The following COL4A1 variants were observed in gnomAD, a reference collection of about 807,000 sequenced individuals.
The protein encoded by COL4A1 is collagen type IV alpha 1 chain, also known as collagen alpha-1(IV) chain.
A neutral mutation model predicts 216.6 loss-of-function variants in COL4A1; 40 were observed. The observed-to-expected ratio is 0.18, with a 90% confidence interval of 0.14 to 0.24. The LOEUF (loss-of-function observed/expected upper bound fraction) is 0.24. Among genes scored for constraint, COL4A1 ranks in the 10% least tolerant of loss-of-function variants. The pLI is 1.00. For synonymous variants in COL4A1, 839 were observed against 810.7 expected (o/e 1.03, Z -0.59); for missense variants, 1,628 against 2,196.8 (o/e 0.74, Z 5.18).
At chr13:110,286,076 G>T (rs1883833973) in intron 1 of COL4A1, among the ~76,000 whole-genome samples, 1 of 152,182 alleles carries the variant, frequency 6.6e-6, no homozygotes. Context: ...TATGAGTCTG[G>T]AGAGGCCTGG....
chr13:110,165,402 T>C (rs1447413188), intron 45 of COL4A1, among the ~76,000 whole-genome samples: 2 of 152,178 alleles, frequency 1.3e-5, no homozygotes, highest in Non-Finnish European at 2.9e-5. Flanking sequence ...CCTTACTGTA[T>C]AGTATCACAC....
At chr13:110,153,251 G>A (rs1032758566) in intron 50 of COL4A1, among the ~76,000 whole-genome samples, 2 of 152,328 alleles carry the variant, frequency 1.3e-5, no homozygotes, top group Non-Finnish European at 1.5e-5. Context: ...GGACATTCTC[G>A]GATCTGACCA....
intron 22 of COL4A1, among the ~76,000 whole-genome samples, chr13:110,193,807 A>G (rs2139181301): frequency 6.6e-6 from 1 of 152,366 alleles, no homozygotes; most frequent in South Asian, 2.1e-4. Context: ...TTCAGGAGGC[A>G]GAGCAGGAGC....
chr13:110,251,996 G>A (rs1196928182), intron 1 of COL4A1, among the ~76,000 whole-genome samples: 2 of 152,160 alleles, frequency 1.3e-5, no homozygotes, highest in Non-Finnish European at 2.9e-5. Context: ...CTGGGCATAA[G>A]TGTCTTCTTT....
intron 1 of COL4A1, among the ~76,000 whole-genome samples, chr13:110,249,788 TAA>T (rs997294317): frequency 1.3e-5 from 2 of 152,174 alleles, no homozygotes; most frequent in African/African-American, 4.8e-5. Context: ...AAAAATTACT[TAA>T]AAAACAGTAA....
chr13:110,239,213 G>A (rs1881452348), intron 2 of COL4A1, among the ~76,000 whole-genome samples: 1 of 152,148 alleles, frequency 6.6e-6, no homozygotes, highest in Non-Finnish European at 1.5e-5. Flanking sequence ...GCAATGATCT[G>A]TTGCACTAAA....
intron 22 of COL4A1, among the ~76,000 whole-genome samples, 172 bp from the exon 23 acceptor site, chr13:110,193,085 C>A (rs1442519986): frequency 6.6e-6 from 1 of 152,228 alleles, no homozygotes; most frequent in African/African-American, 2.4e-5. Flanking sequence ...GTGGAAACTG[C>A]AGTCAAACGC....
chr13:110,266,163 A>T (rs1175092684), intron 1 of COL4A1: 1 of 152,242 alleles, frequency 6.6e-6, no homozygotes, highest in Non-Finnish European at 1.5e-5. Context: ...GCACACAGCG[A>T]AAGATCGCCA....
At chr13:110,278,492 T>A (rs191992468) in intron 1 of COL4A1, among the ~76,000 whole-genome samples, 1 of 152,322 alleles carries the variant, frequency 6.6e-6, no homozygotes. Flanking sequence ...CCTAGACATT[T>A]CTTTTGGGTG....
At chr13:110,210,305 T>G (rs966618570) in intron 8 of COL4A1, 93 bp from the exon 9 acceptor site, 147 of 1,193,776 alleles carry the variant, frequency 1.2e-4, no homozygotes, top group Non-Finnish European at 3.1e-5. Context: ...ATATTAGTGT[T>G]ACAGGACTAG....
At chr13:110,259,942 T>C (rs1047089363) in intron 1 of COL4A1, among the ~76,000 whole-genome samples, 2 of 152,166 alleles carry the variant, frequency 1.3e-5, no homozygotes, top group Admixed American at 1.3e-4. Context: ...CTTTACGTAA[T>C]GGATGTAAAG....
intron 1 of COL4A1, among the ~76,000 whole-genome samples, chr13:110,292,723 C>G (rs968532375): frequency 3.9e-5 from 6 of 152,132 alleles, no homozygotes; most frequent in African/African-American, 1.4e-4. Context: ...GGGGAAACTG[C>G]CCCCATAATC....
In COL4A1 at chr13:110,150,027, T is replaced by C; in HGVS notation, c.*336A>G. ...TACAAGAATGAAAATGGGCAAACAG[T>C]ATGGAAGGCACCCACACCTCCTAGC... On this transcript the variant is annotated 3_prime_UTR_variant, in exon 52 of 52. Coordinates refer to ENST00000375820, the MANE Select transcript of COL4A1 (RefSeq NM_001845.6). 1 of 384,660 alleles carries C rather than the reference T, an allele frequency of 2.6e-6. No homozygotes were observed. The highest frequency in any genetic ancestry group is 2.2e-5 in the South Asian group (1 of 45,692). The allele number at this position is 384,660 out of a possible 1,614,324, so 23.8% of individuals were successfully genotyped here. A position where few individuals can be genotyped will look rare whatever the true frequency, so the allele number is the denominator to read the frequency against.
At chr13:110,167,347 G>T in intron 43 of COL4A1, 117 bp from the exon 44 acceptor site, 1 of 812,686 alleles carries the variant, frequency 1.2e-6, no homozygotes. Context: ...GCACATTTGT[G>T]AACAAATGGT....
chr13:110,178,625 C>T (rs1877998226), intron 31 of COL4A1, among the ~76,000 whole-genome samples: 2 of 152,030 alleles, frequency 1.3e-5, no homozygotes, highest in Admixed American at 6.5e-5. Flanking sequence ...ACTAATTAAC[C>T]GTCCTATGGA....
Position 110,166,115 on chromosome 13 carries a change from A to G in COL4A1, c.4021+117T>C, listed in dbSNP as rs1025597492. The G allele has an allele frequency of 3.9e-6, 3 of 774,618 alleles. No individual in the cohort carries two copies. The African/African-American group carries it at 5.1e-5, about 13-fold the overall frequency. The allele number at this position is 774,618 out of a possible 1,614,324, so 48.0% of individuals were successfully genotyped here. ...AAGAATTCCCTATCAATTGTTTTTA[A>G]TGATTTTTGAGTCATTTCACATATG... is the stretch of plus-strand genomic sequence containing the variant. On this transcript the variant is annotated intron_variant, in intron 45 of 51. Coordinates refer to ENST00000375820, the MANE Select transcript of COL4A1 (RefSeq NM_001845.6).
At chr13:110,254,626 GACC>G (rs1882430541) in intron 1 of COL4A1, among the ~76,000 whole-genome samples, 1 of 152,154 alleles carries the variant, frequency 6.6e-6, no homozygotes, top group South Asian at 2.1e-4. Context: ...GTGGCAGTAG[GACC>G]ACTTTTTTTC....
In COL4A1 at chr13:110,272,191, T is replaced by C. The variant is rs187009839; in HGVS notation, c.85-29457A>G. ...TAATGTACAGCACATAGGTGAAAAA[T>C]GGCTTTGAACTAAAAGTCAGACCTC... is the stretch of plus-strand genomic sequence containing the variant. On this transcript the variant is annotated intron_variant, in intron 1 of 51. Coordinates refer to ENST00000375820, the MANE Select transcript of COL4A1 (RefSeq NM_001845.6). Among the ~76,000 whole-genome samples the C allele has an allele frequency of 5.2e-4, 79 of 152,350 alleles. 1 individual carries two copies. Among genetic ancestry groups the C allele is most frequent in the African/African-American group, 1.8e-3 (76 of 41,576 alleles).
In COL4A1 at chr13:110,195,008, A is replaced by G. The variant is rs748416727; in HGVS notation, c.1381+15T>C. 9 of 1,611,542 alleles carry G rather than the reference A, an allele frequency of 5.6e-6. No homozygotes were observed. The African/African-American group carries it at 1.2e-4, about 22-fold the overall frequency. The stretch of plus-strand genomic sequence containing the variant: ...AAGACACAACCACCATTTTAAAAAA[A>G]TCAAAATTTCTTACCTTTCTCTCCA... On this transcript the variant is annotated intron_variant, in intron 22 of 51. Coordinates refer to ENST00000375820, the MANE Select transcript of COL4A1 (RefSeq NM_001845.6).
Sources: allele counts gnomAD v4.1 joint callset (sites outside exome capture counted in the v4.1 genomes callset), GRCh38; gene constraint gnomAD v4.1.1; transcripts MANE v1.5; gene names NCBI Gene and HGNC (gene_info 2026-07-23, HGNC 2026-07-21).